COBLL1: variants seen among roughly 807,000 people sequenced by gnomAD.
COBLL1 encodes the protein cordon-bleu protein-like 1.
A neutral mutation model predicts 94.8 loss-of-function variants in COBLL1; 50 were observed. That is an observed-to-expected ratio of 0.53 (90% CI 0.42 to 0.67). The LOEUF (loss-of-function observed/expected upper bound fraction) is 0.67. Ranked by LOEUF, COBLL1 falls within the 30% of genes least tolerant of loss-of-function variation. The pLI is 0.00. For synonymous variants in COBLL1, 448 were observed against 473.8 expected, an observed-to-expected ratio of 0.95 and a Z score of 0.71; for missense variants, 1,362 against 1,348.7, an observed-to-expected ratio of 1.01 and a Z score of -0.15.
Position 164,841,329 on chromosome 2 carries a change from C to T in COBLL1, c.-50-83G>A, listed in dbSNP as rs1170809259. Reference sequence around the variant, plus strand: ...CGAAGCTGGCTGAGCGTCAAGAGCCCGCCCGAGCCGCTCCAGCCCCGGCCG... The same window carrying T: ...CGAAGCTGGCTGAGCGTCAAGAGCCTGCCCGAGCCGCTCCAGCCCCGGCCG... On this transcript the variant is annotated intron_variant, in intron 1 of 13. Coordinates refer to ENST00000652658, the MANE Select transcript of COBLL1 (RefSeq NM_001365672.2). This position sits in a 1 kb window ranked among gnomAD's most constrained non-coding sequence, Gnocchi z 5.5. 1.7e-6 allele frequency: 2 copies of T among 1,205,230 alleles called. No homozygotes were observed. The highest frequency in any genetic ancestry group is 2.1e-6 in the Non-Finnish European group (2 of 970,886). The allele number at this position is 1,205,230 out of a possible 1,614,324, so 74.7% of individuals were successfully genotyped here. A position where few individuals can be genotyped will look rare whatever the true frequency, so the allele number is the denominator to read the frequency against.
At chr2:164,733,108 G>T (rs1251161879) in intron 3 of COBLL1, among the ~76,000 whole-genome samples, 3 of 152,112 alleles carry the variant, frequency 2.0e-5, no homozygotes, top group Admixed American at 6.6e-5. Context: ...GTTTTGTTTG[G>T]TTTTTATCCC....
intron 9 of COBLL1, among the ~76,000 whole-genome samples, chr2:164,702,022 A>C (rs906923709): frequency 6.6e-6 from 1 of 152,128 alleles, no homozygotes; most frequent in African/African-American, 2.4e-5. Context: ...TTAAAATTTT[A>C]TCTCTAAGTA....
At chr2:164,804,828 A>G (rs1213659123) in intron 2 of COBLL1, among the ~76,000 whole-genome samples, 1 of 152,174 alleles carries the variant, frequency 6.6e-6, no homozygotes, top group Non-Finnish European at 1.5e-5. Flanking sequence ...GTGCAGCTCA[A>G]ATCGACCTCT....
chr2:164,774,379 T>C (rs1256585445), intron 2 of COBLL1, among the ~76,000 whole-genome samples: 2 of 152,168 alleles, frequency 1.3e-5, no homozygotes, highest in African/African-American at 4.8e-5. Flanking sequence ...ACTAACATTC[T>C]ACTGTGAAGG....
chr2:164,827,081 G>C (rs1685471107), intron 2 of COBLL1, among the ~76,000 whole-genome samples: 1 of 152,076 alleles, frequency 6.6e-6, no homozygotes, highest in Admixed American at 6.5e-5. Flanking sequence ...CTCCAGAGTA[G>C]CTGAGATTAC....
At chr2:164,753,769 G>A (rs1476587167) in intron 2 of COBLL1, among the ~76,000 whole-genome samples, 7 of 148,384 alleles carry the variant, frequency 4.7e-5, no homozygotes, top group Admixed American at 4.0e-4. Flanking sequence ...TAAGACAGAG[G>A]CTCACTCCGT....
intron 3 of COBLL1, chr2:164,738,187 A>T (rs1686413892): frequency 6.6e-6 from 1 of 152,224 alleles, no homozygotes; most frequent in Non-Finnish European, 1.5e-5. Flanking sequence ...CTTGTAGGAA[A>T]GTGTGATAGC....
chr2:164,739,397 T>C (rs546391311), intron 3 of COBLL1, among the ~76,000 whole-genome samples: 1 of 152,234 alleles, frequency 6.6e-6, no homozygotes, highest in African/African-American at 2.4e-5. Flanking sequence ...CACCTGTGCA[T>C]GAGATCTATG....
At chr2:164,788,036 G>A (rs948691710) in intron 2 of COBLL1, among the ~76,000 whole-genome samples, 1 of 151,996 alleles carries the variant, frequency 6.6e-6, no homozygotes, top group Non-Finnish European at 1.5e-5. Flanking sequence ...CATACTTTTT[G>A]CACAGGTTAG....
chr2:164,768,991 G>A (rs931363122), intron 2 of COBLL1, among the ~76,000 whole-genome samples: 4 of 152,054 alleles, frequency 2.6e-5, no homozygotes, highest in East Asian at 1.9e-4. Flanking sequence ...TCATATTAGC[G>A]AATGGAAGCT....
At chr2:164,734,457 C>T (rs1172513003) in intron 3 of COBLL1, among the ~76,000 whole-genome samples, 1 of 152,158 alleles carries the variant, frequency 6.6e-6, no homozygotes, top group East Asian at 1.9e-4. Flanking sequence ...CAAGTGAAGA[C>T]TTGAGATTTT....
chr2:164,736,740 A>T (rs57963710), intron 3 of COBLL1, among the ~76,000 whole-genome samples: 1 of 152,132 alleles, frequency 6.6e-6, no homozygotes, highest in African/African-American at 2.4e-5. Flanking sequence ...TTTTATTGAC[A>T]TGAAAGATGG....
intron 2 of COBLL1, among the ~76,000 whole-genome samples, chr2:164,822,632 G>A (rs1685219993): frequency 6.6e-6 from 1 of 152,028 alleles, no homozygotes; most frequent in Non-Finnish European, 1.5e-5. Flanking sequence ...AAAGTCTAAT[G>A]AGATGAACTA....
chr2:164,714,616 T>A (rs1334674445), intron 7 of COBLL1, among the ~76,000 whole-genome samples: 1 of 152,022 alleles, frequency 6.6e-6, no homozygotes, highest in Non-Finnish European at 1.5e-5. Context: ...AGAAAGGCAA[T>A]TAAGGCTGGG....
intron 7 of COBLL1, 83 bp from the exon 8 acceptor site, chr2:164,705,188 C>A: frequency 9.2e-7 from 1 of 1,086,810 alleles, no homozygotes; most frequent in African/African-American, 1.6e-5. Flanking sequence ...TTACGTCAAG[C>A]ACAGGATATA....
chr2:164,819,671 T>A (rs901066174), intron 2 of COBLL1, among the ~76,000 whole-genome samples: 3 of 152,128 alleles, frequency 2.0e-5, no homozygotes, highest in Non-Finnish European at 2.9e-5. Flanking sequence ...CTGTTTATAA[T>A]CTTGGGTCCA....
At chr2:164,725,134 A>ATAT (rs1558956185) in intron 5 of COBLL1, 17 of 55,336 alleles carry the variant, frequency 3.1e-4, no homozygotes, top group South Asian at 6.2e-4. Context: ...ATATATATAT[A>ATAT]AAATGAAAGC....
At position 164,694,172 on chromosome 2, in the gene COBLL1, CAG is replaced by C. The variant is rs546497800; in HGVS notation, c.3123+95_3123+96del. 1,024 of 1,184,036 alleles carry C rather than the reference CAG, an allele frequency of 8.6e-4. 5 individuals are homozygous for C. The African/African-American group carries it at 0.014, about 16-fold the overall frequency. The allele number at this position is 1,184,036 out of a possible 1,614,324, so 73.3% of individuals were successfully genotyped here. On this transcript the variant is annotated intron_variant, in intron 12 of 13. Transcript: ENST00000652658. ...GCTTAATTTCAGATGAATATGAGTTCAGAGTTAAGTAGCACACAAACATCAAC... is the reference window on the plus strand; with the variant it reads ...GCTTAATTTCAGATGAATATGAGTTCAGTTAAGTAGCACACAAACATCAAC...
At chr2:164,675,996 T>C (rs998421964), downstream of COBLL1, among the ~76,000 whole-genome samples, 1 of 152,048 alleles carries the variant, frequency 6.6e-6, no homozygotes, top group African/African-American at 2.4e-5. Context: ...AAGATAAAAA[T>C]AGGAAAGAAA....
Sources: gnomAD v4.1 joint callset for allele counts (sites outside exome capture counted in the v4.1 genomes callset) on GRCh38, gnomAD v4.1.1 for gene constraint, Gnocchi (gnomAD v3.1) non-coding constraint, MANE v1.5 for transcripts, NCBI Gene and HGNC (gene_info 2026-07-23, HGNC 2026-07-21) for gene names.